The following NEB variants were observed in gnomAD, a reference collection of about 807,000 sequenced individuals.
NEB encodes the protein nemaline myopathy type 2.
In NEB, 512 loss-of-function variants were observed where a neutral mutation model predicts 952.2. The ratio of observed to expected loss-of-function variants is 0.54; its 90% CI spans 0.50 to 0.58. NEB has a LOEUF of 0.58. Ranked by LOEUF, NEB falls within the 20% of genes least tolerant of loss-of-function variation. The pLI, the probability that NEB is intolerant of heterozygous loss-of-function variation, is 0.00. For synonymous variants in NEB, 2,900 were observed against 3,149.8 expected, an observed-to-expected ratio of 0.92 and a Z score of 2.66; for missense variants, 8,428 against 9,231.1, an observed-to-expected ratio of 0.91 and a Z score of 3.56.
At chr2:151,565,877 A>G in intron 114 of NEB, 57 bp from the exon 115 acceptor site, 1 of 1,212,992 alleles carries the variant, frequency 8.2e-7, no homozygotes, top group Non-Finnish European at 1.2e-6. Context: ...ACAGGCTTAC[A>G]GAGGGCAGGT....
chr2:151,517,322 C>T (rs575378799), intron 156 of NEB, among the ~76,000 whole-genome samples: 3 of 152,302 alleles, frequency 2.0e-5, no homozygotes, highest in South Asian at 2.1e-4. Context: ...GCTCAATCTC[C>T]GAGCTCTTGG....
chr2:151,499,596 A>ATCT, intron 168 of NEB: 1 of 397,962 alleles, frequency 2.5e-6, no homozygotes, highest in East Asian at 4.8e-5. Flanking sequence ...GATATTCATC[A>ATCT]TCTTTTTATT....
intron 130 of NEB, among the ~76,000 whole-genome samples, chr2:151,548,906 C>T (rs2095041839): frequency 6.6e-6 from 1 of 152,206 alleles, no homozygotes; most frequent in East Asian, 1.9e-4. Context: ...GGTTTGATTC[C>T]CAGGAATATG....
chr2:151,662,437 T>C (rs1211851075), intron 45 of NEB, 96 bp from the exon 46 acceptor site: 1 of 1,115,906 alleles, frequency 9.0e-7, no homozygotes, highest in Non-Finnish European at 1.2e-6. Context: ...ATTTCATTTG[T>C]AAATTTTCTG....
At chr2:151,561,388 T>A in intron 121 of NEB, 76 bp from the exon 122 acceptor site, 1 of 956,798 alleles carries the variant, frequency 1.0e-6, no homozygotes, top group South Asian at 1.4e-5. Flanking sequence ...TGTGCCAACT[T>A]ACATGTGCCT....
In NEB at chr2:151,643,246, A is replaced by G. The variant is rs1057523363; in HGVS notation, c.8064T>C (p.His2688=). 32 of 1,613,924 alleles carry G rather than the reference A, an allele frequency of 2.0e-5. No homozygotes were observed. Among genetic ancestry groups the G allele is most frequent in the Middle Eastern group, 1.6e-4 (1 of 6,062 alleles). Residue 2688 remains histidine (H), a synonymous_variant, in exon 58 of 182, where the codon CAT becomes CAC. Coordinates refer to ENST00000397345, the MANE Select transcript of NEB (RefSeq NM_001164508.2). ...ATTGATCTGGGTGCTGACGGTAAAC[A>G]TGGTCACTCAAAATCTGGGTGGCTC... ...NKRATQILSD[H]VYRQHPDQFK...
Position 151,687,665 on chromosome 2 carries a change from G to A in NEB, c.2484C>T (p.Pro828=). 1 of 1,610,354 alleles carries A rather than the reference G, an allele frequency of 6.2e-7. No homozygotes were observed. Among genetic ancestry groups the A allele is most frequent in the Non-Finnish European group, 8.5e-7 (1 of 1,177,868 alleles). The change falls in exon 26 of 182, where the codon CCC becomes CCT. Residue 828 remains proline (P), a synonymous_variant. Coordinates refer to ENST00000397345, the MANE Select transcript of NEB (RefSeq NM_001164508.2). ...KKFDIKVDAI[P]LLAAKANTKN... ...TGGTGTTGGCTTTGGCTGCCAACAG[G>A]GGAATGGCGTCCACTTTAATGTCAA...
Position 151,692,301 on chromosome 2 carries a change from G to C in NEB, c.1958C>G (p.Pro653Arg). The C allele has an allele frequency of 6.2e-7, 1 of 1,613,748 alleles. No homozygotes were observed. The highest frequency in any genetic ancestry group is 8.5e-7 in the Non-Finnish European group (1 of 1,179,794). ...KAKSMNYCET[P>R]KYQLDTQLKN... The stretch of plus-strand genomic sequence containing the variant: ...CAGCTGAGTATCAAGTTGATATTTT[G>C]GGGTCTCACAGTAATTCATACTCTT... The change falls in exon 21 of 182, where the codon CCA becomes CGA. Residue 653 changes from proline (P) to arginine (R), a missense_variant. Transcript: ENST00000397345.
chr2:151,721,224 A>G (rs1269442555), intron 9 of NEB, among the ~76,000 whole-genome samples: 1 of 152,146 alleles, frequency 6.6e-6, no homozygotes. Flanking sequence ...AATCTATCAT[A>G]TTGCTCATCA....
Position 151,503,432 on chromosome 2 carries a change from T to C in NEB, c.23752A>G (p.Lys7918Glu), listed in dbSNP as rs758478063. 3.1e-6 allele frequency: 5 copies of C among 1,606,748 alleles called. No individual in the cohort carries two copies. The highest frequency in any genetic ancestry group is 3.4e-6 in the Non-Finnish European group (4 of 1,173,478). Residue 7918 changes from lysine to glutamate, a missense_variant, in exon 166 of 182, where the codon AAA (lysine) becomes GAA (glutamate). Coordinates refer to ENST00000397345, the MANE Select transcript of NEB (RefSeq NM_001164508.2). ...TQKHISSVMY[K>E]ENLGTGIPTT... is the part of the protein sequence containing the mutation. Reference sequence around the variant, plus strand: ...GGAATGCCTGTTCCCAAGTTTTCTTTGTACATAACCTGTAGAAAATAATTA... The same window carrying C: ...GGAATGCCTGTTCCCAAGTTTTCTTCGTACATAACCTGTAGAAAATAATTA...
Position 151,503,388 on chromosome 2 carries a change from CT to C in NEB, c.23795del (p.Glu7932GlyfsTer52), listed in dbSNP as rs1396689726. ...CTTGATTGCGTTTGACTCTCTCAAT[CT>C]CTGGAGTCACAGTGGTTGGAATGCC... ...GTGIPTTVTPEIERVKRNQEN... is the reference protein window; with the variant it reads ...GTGIPTTVTPXIERVKRNQEN... On this transcript the variant is annotated frameshift_variant, in exon 166 of 182. Transcript: ENST00000397345. LOFTEE classifies it high-confidence loss of function. 2.5e-6 allele frequency: 4 copies of C among 1,612,892 alleles called. No individual in the cohort carries two copies. Among genetic ancestry groups the C allele is most frequent in the Non-Finnish European group, 2.5e-6 (3 of 1,179,130 alleles).
At chr2:151,674,128 T>A (rs554825950) in intron 36 of NEB, among the ~76,000 whole-genome samples, 2 of 152,316 alleles carry the variant, frequency 1.3e-5, no homozygotes, top group South Asian at 4.1e-4. Context: ...ATCTTTTTAA[T>A]ACAATTATAA....
At chr2:151,503,570 CAG>C (rs747066360) in intron 165 of NEB, 129 bp from the exon 166 acceptor site, 18 of 592,304 alleles carry the variant, frequency 3.0e-5, no homozygotes, top group Admixed American at 3.3e-5. Context: ...ATTCAAGGAA[CAG>C]GGGGGAAAAT....
intron 113 of NEB, 149 bp downstream of exon 113, chr2:151,567,922 G>A: frequency 1.7e-6 from 1 of 598,878 alleles, no homozygotes; most frequent in Non-Finnish European, 2.9e-6. Flanking sequence ...CGAAAAGTGA[G>A]CAGGTACTCC....
At chr2:151,649,864 T>C (rs1279282517) in intron 54 of NEB, among the ~76,000 whole-genome samples, 1 of 152,164 alleles carries the variant, frequency 6.6e-6, no homozygotes, top group Non-Finnish European at 1.5e-5. Flanking sequence ...TCATATACTC[T>C]ACCCCAACAA....
intron 58 of NEB, 39 bp downstream of exon 58, chr2:151,643,108 CAAA>C: frequency 7.7e-6 from 12 of 1,559,464 alleles, no homozygotes; most frequent in Non-Finnish European, 7.9e-6. Context: ...TTTCCATAAA[CAAA>C]AAAAATTAAT....
chr2:151,534,014 G>A (rs537772844), intron 142 of NEB, among the ~76,000 whole-genome samples: 1 of 152,286 alleles, frequency 6.6e-6, no homozygotes, highest in South Asian at 2.1e-4. Flanking sequence ...CTTCACCACA[G>A]CACAAGTGAG....
intron 81 of NEB, among the ~76,000 whole-genome samples, chr2:151,609,025 C>A (rs191344391): frequency 0.043 from 6,088 of 142,158 alleles, 438 homozygotes; most frequent in African/African-American, 0.14. Context: ...GTACATGCAA[C>A]GGCAAAGCAA....
At chr2:151,699,786 G>A (rs2099632119) in intron 13 of NEB, among the ~76,000 whole-genome samples, 1 of 146,896 alleles carries the variant, frequency 6.8e-6, no homozygotes, top group African/African-American at 2.5e-5. Context: ...TGAGTAGGTT[G>A]CGAAAATTTT....
Sources: gnomAD v4.1 joint callset for allele counts (sites outside exome capture counted in the v4.1 genomes callset) on GRCh38, gnomAD v4.1.1 for gene constraint, MANE v1.5 for transcripts, NCBI Gene and HGNC (gene_info 2026-07-23, HGNC 2026-07-21) for gene names.